Variants in TCP11L2 observed in about 807,000 individuals in gnomAD.
TCP11L2 encodes the protein t-complex 11 like 2.
Under a neutral mutation model 50.7 loss-of-function variants are expected in TCP11L2, and 39 were observed. That is an observed-to-expected ratio of 0.77 (90% CI 0.60 to 1.01). TCP11L2 has a LOEUF of 1.01. TCP11L2 is among the 50% of genes least tolerant of loss of function. The pLI is 0.00. For missense variants in TCP11L2, 612 were observed against 614.7 expected, an observed-to-expected ratio of 1.00 and a Z score of 0.05; for synonymous variants, 192 against 219.3, an observed-to-expected ratio of 0.88 and a Z score of 1.10.
chr12:106,335,909 T>C, intron 7 of TCP11L2, 83 bp downstream of exon 7: 1 of 1,524,968 alleles, frequency 6.6e-7, no homozygotes, highest in Non-Finnish European at 8.8e-7. Context: ...CTGTGTTTCA[T>C]GTGGTTTAAT....
At chr12:106,307,514 A>T (rs2034680131) in intron 1 of TCP11L2, 2 of 152,228 alleles carry the variant, frequency 1.3e-5, no homozygotes, top group Admixed American at 1.3e-4. Context: ...AGTCTAAAGG[A>T]TAATCCAAAA....
chr12:106,309,358 C>T (rs900534291), intron 1 of TCP11L2, among the ~76,000 whole-genome samples: 1 of 152,090 alleles, frequency 6.6e-6, no homozygotes, highest in African/African-American at 2.4e-5. Context: ...CTTTGGGATT[C>T]TGGGATAAGG....
intron 6 of TCP11L2, chr12:106,329,528 T>G: frequency 6.9e-7 from 1 of 1,458,114 alleles, no homozygotes; most frequent in East Asian, 2.5e-5. Flanking sequence ...TCTGGGGCGT[T>G]TAAACACAGA....
At chr12:106,329,542 C>T (rs2136761981) in intron 6 of TCP11L2, 2 of 1,438,178 alleles carry the variant, frequency 1.4e-6, no homozygotes, top group African/African-American at 2.9e-5. Flanking sequence ...ACACAGAGGC[C>T]TGAGCCCTGC....
At chr12:106,331,809 A>G (rs1012623917) in intron 6 of TCP11L2, among the ~76,000 whole-genome samples, 1 of 152,190 alleles carries the variant, frequency 6.6e-6, no homozygotes, top group African/African-American at 2.4e-5. Flanking sequence ...AGCCTAGCAC[A>G]AGTTCTTAGT....
intron 1 of TCP11L2, among the ~76,000 whole-genome samples, chr12:106,309,060 C>A (rs543724396): frequency 6.6e-6 from 1 of 152,324 alleles, no homozygotes; most frequent in African/African-American, 2.4e-5. Context: ...TGGCTAGAAG[C>A]AAGGCTTCCT....
At chr12:106,325,892 G>GGAAAA (rs537713534) in intron 6 of TCP11L2, 1 of 90,236 alleles carries the variant, frequency 1.1e-5, no homozygotes, top group African/African-American at 4.5e-5. Context: ...CTCCGTCTCG[G>GGAAAA]AAAAAAAAAA....
chr12:106,312,417 T>G (rs958150844), intron 2 of TCP11L2: 10 of 1,225,176 alleles, frequency 8.2e-6, no homozygotes, highest in Non-Finnish European at 1.0e-5. Flanking sequence ...CAAAAGAAAT[T>G]AACAGCAGCC....
At chr12:106,327,385 C>A (rs956732284) in intron 6 of TCP11L2, among the ~76,000 whole-genome samples, 1 of 151,962 alleles carries the variant, frequency 6.6e-6, no homozygotes, top group African/African-American at 2.4e-5. Context: ...TTTGTAGAGA[C>A]GGGGGTCTGT....
intron 5 of TCP11L2, among the ~76,000 whole-genome samples, chr12:106,322,316 A>G (rs2035370198): frequency 6.6e-6 from 1 of 152,162 alleles, no homozygotes; most frequent in African/African-American, 2.4e-5. Flanking sequence ...ACCATGGGGA[A>G]GACATATGCA....
intron 1 of TCP11L2, among the ~76,000 whole-genome samples, chr12:106,310,024 T>C (rs1163104440): frequency 6.6e-6 from 1 of 152,154 alleles, no homozygotes; most frequent in East Asian, 1.9e-4. Context: ...GGTTTCCCCT[T>C]CAGTGTCAGG....
chr12:106,340,420 A>G (rs1402181781), intron 8 of TCP11L2, among the ~76,000 whole-genome samples: 1 of 152,240 alleles, frequency 6.6e-6, no homozygotes, highest in Non-Finnish European at 1.5e-5. Context: ...GCTCAGGCAT[A>G]GATGAATTGA....
chr12:106,302,294 C>T (rs952682744), upstream of TCP11L2, among the ~76,000 whole-genome samples: 2 of 147,700 alleles, frequency 1.4e-5, no homozygotes, highest in Admixed American at 6.7e-5. Flanking sequence ...TCGCCCACCT[C>T]CCCAGAGCCC....
chr12:106,321,357 G>A lies in TCP11L2; in HGVS notation c.415-129G>A, dbSNP rs1287454871. The A allele has an allele frequency of 6.8e-6, 5 of 739,390 alleles. No individual in the cohort carries two copies. In the African/African-American group the frequency reaches 8.7e-5, roughly 13 times the overall value. The allele number at this position is 739,390 out of a possible 1,614,324, so 45.8% of individuals were successfully genotyped here. On this transcript the variant is annotated intron_variant, in intron 4 of 9. Coordinates refer to ENST00000299045, the MANE Select transcript of TCP11L2 (RefSeq NM_152772.3). The stretch of plus-strand genomic sequence containing the variant: ...CTCCTCTGATCCACCCATGCAGTCA[G>A]TGCCAACTTCTGTGGCATCTGAGGC...
At chr12:106,324,084 A>G (rs993180549) in intron 6 of TCP11L2, 1 of 152,236 alleles carries the variant, frequency 6.6e-6, no homozygotes, top group African/African-American at 2.4e-5. Context: ...CTGACATTCT[A>G]GTAGGCATGA....
chr12:106,319,360 T>C (rs2035248383), intron 4 of TCP11L2, among the ~76,000 whole-genome samples: 2 of 152,222 alleles, frequency 1.3e-5, no homozygotes, highest in South Asian at 4.1e-4. Flanking sequence ...ACACAAATAT[T>C]GAAACTATAG....
At chr12:106,311,310 G>T (rs903531253) in intron 2 of TCP11L2, 78 bp downstream of exon 2, 2 of 1,511,734 alleles carry the variant, frequency 1.3e-6, no homozygotes, top group African/African-American at 1.4e-5. Flanking sequence ...ACTCAGAAAC[G>T]CCTGAGAGCA....
chr12:106,318,438 A>G lies in TCP11L2; in HGVS notation c.388A>G (p.Ile130Val), dbSNP rs753646435. ...TGACCCTCCTGAGTTTGAACATGCCATCAAACTGTTTGAAGAAATCAGAGA... is the reference window on the plus strand; with the variant it reads ...TGACCCTCCTGAGTTTGAACATGCCGTCAAACTGTTTGAAGAAATCAGAGA... The part of the protein sequence containing the change: ...NADPPEFEHA[I>V]KLFEEIREIL... The change falls in exon 4 of 10, where the codon ATC becomes GTC. Residue 130 changes from isoleucine to valine, a missense_variant. Physicochemically the swap from Ile to Val is conservative, Grantham distance 29. Coordinates refer to ENST00000299045, the MANE Select transcript of TCP11L2 (RefSeq NM_152772.3). The G allele has an allele frequency of 1.1e-5, 18 of 1,613,934 alleles. No individual in the cohort carries two copies. The highest frequency in any genetic ancestry group is 3.3e-4 in the Middle Eastern group (2 of 6,084).
intron 6 of TCP11L2, chr12:106,325,692 A>AG (rs2035512520): frequency 6.6e-6 from 1 of 152,218 alleles, no homozygotes; most frequent in African/African-American, 2.4e-5. Context: ...CAGGAGTTCA[A>AG]GACCAGCCTG....
Sources: gnomAD v4.1 joint callset for allele counts (sites outside exome capture counted in the v4.1 genomes callset) on GRCh38, gnomAD v4.1.1 for gene constraint, MANE v1.5 for transcripts, NCBI Gene and HGNC (gene_info 2026-07-23, HGNC 2026-07-21) for gene names.